The following PROM2 variants were observed in gnomAD, a reference collection of about 807,000 sequenced individuals.
PROM2 encodes prominin 2, also known as prominin-2.
Under a neutral mutation model 110.2 loss-of-function variants are expected in PROM2, and 90 were observed. The ratio of observed to expected loss-of-function variants is 0.82; its 90% CI spans 0.69 to 0.97. PROM2 has a LOEUF of 0.97. PROM2 is among the 50% of genes least tolerant of loss of function. The pLI is 0.00. For missense variants in PROM2, 1,009 were observed against 1,074.8 expected (o/e 0.94, Z 0.86); for synonymous variants, 470 against 467.8 (o/e 1.00, Z -0.06).
Position 95,275,486 on chromosome 2 carries a change from G to A in PROM2, c.270G>A (p.Glu90=), listed in dbSNP as rs770661287. 1 of 1,613,882 alleles carries A rather than the reference G, an allele frequency of 6.2e-7. No homozygotes were observed. Among genetic ancestry groups the A allele is most frequent in the Admixed American group, 1.7e-5 (1 of 59,978 alleles). Residue 90 remains glutamate, a synonymous_variant, in exon 2 of 24, where the codon GAG becomes GAA. Transcript: ENST00000317620. This position sits in a 1 kb window ranked among gnomAD's most constrained non-coding sequence, Gnocchi z 4.4. ...AGTTGGTAAAGGCCCTACTGAATGA[G>A]CTGGCCTCCGTGAAGGTGAATGAGG... ...PSELVKALLN[E]LASVKVNEVV...
chr2:95,280,466 C>T (rs1026642541), intron 11 of PROM2, among the ~76,000 whole-genome samples: 21 of 152,210 alleles, frequency 1.4e-4, no homozygotes, highest in African/African-American at 4.6e-4. Context: ...ATAAGCCCTT[C>T]GAGCCCCCTG....
In PROM2 at chr2:95,279,995, GGCGT is replaced by G. The variant is rs753122381; in HGVS notation, c.1426_1427+2del. 6.9e-7 allele frequency: 1 copy of G among 1,449,908 alleles called. No homozygotes were observed. The highest frequency in any genetic ancestry group is 2.5e-5 in the Admixed American group (1 of 39,824). 89.8% of individuals were successfully genotyped at this position (1,449,908 alleles called of 1,614,324 possible). ...GCGAGGCTGGAGCCCGCTTCCTCAT[GGCGT>G]AAGAAAGGGCTGGGAGAGGGGAAGG... On this transcript the variant is annotated splice_donor_variant and coding_sequence_variant, in exon 11 of 24. Coordinates refer to ENST00000317620, the MANE Select transcript of PROM2 (RefSeq NM_001165978.3). LOFTEE classifies it high-confidence loss of function.
At position 95,276,253 on chromosome 2, in the gene PROM2, C is replaced by T; in HGVS notation, c.524C>T (p.Thr175Ile). 6.2e-7 allele frequency: 1 copy of T among 1,613,984 alleles called. No individual in the cohort carries two copies. The highest frequency in any genetic ancestry group is 1.1e-5 in the South Asian group (1 of 91,084). Residue 175 changes from threonine (T) to isoleucine (I), a missense_variant, in exon 4 of 24, where the codon ACC becomes ATC. Transcript: ENST00000317620. The surrounding 1 kb of genome is among the most constrained non-coding windows in gnomAD (Gnocchi z 4.6). ...ATTGGTGTGGTCTGTGCCTTTGTCACCAACCAGCGCACGCATGAACAGATG... is the reference window on the plus strand; with the variant it reads ...ATTGGTGTGGTCTGTGCCTTTGTCATCAACCAGCGCACGCATGAACAGATG... ...LLIGVVCAFVTNQRTHEQMGP... is the reference protein window; with the variant it reads ...LLIGVVCAFVINQRTHEQMGP...
chr2:95,274,743 G>A lies in PROM2; in HGVS notation c.158G>A (p.Arg53Gln), dbSNP rs752533853. The A allele has an allele frequency of 6.2e-6, 10 of 1,611,640 alleles. No homozygotes were observed. The South Asian group carries it at 6.6e-5, about 11-fold the overall frequency. Residue 53 changes from arginine (R) to glutamine (Q), a missense_variant, in exon 1 of 24, where the codon CGA becomes CAA. Transcript: ENST00000317620. ...GCCAGGGCCCGGTGGCTGGCCCCTC[G>A]AGTTCGTGCGCCAGGACTCCTGGAC... is the stretch of plus-strand genomic sequence containing the variant. ...PAARARWLAP[R>Q]VRAPGLLDSL...
rs1427229763 is a variant in PROM2, at chr2:95,282,164, C to T, written c.1666C>T (p.Leu556Phe). 4 of 1,613,876 alleles carry T rather than the reference C, an allele frequency of 2.5e-6. No individual in the cohort carries two copies. In the African/African-American group the frequency reaches 4.0e-5, roughly 16 times the overall value. ...AYQQCKEGAALWTVLQLNDSY... is the reference protein window; with the variant it reads ...AYQQCKEGAAFWTVLQLNDSY... ...CAGGCAGTGCAAGGAAGGGGCAGCGCTCTGGACAGTCCTGCAGCTCAACGA... is the reference window on the plus strand; with the variant it reads ...CAGGCAGTGCAAGGAAGGGGCAGCGTTCTGGACAGTCCTGCAGCTCAACGA... Residue 556 changes from leucine to phenylalanine, a missense_variant, in exon 14 of 24, where the codon CTC becomes TTC. By Grantham distance (22) the Leu-to-Phe change is conservative. Transcript: ENST00000317620.
chr2:95,275,404 G>GAC lies in PROM2; in HGVS notation c.245-53_245-52dup. 1 of 1,532,842 alleles carries GAC rather than the reference G, an allele frequency of 6.5e-7. No homozygotes were observed. The highest frequency in any genetic ancestry group is 8.9e-7 in the Non-Finnish European group (1 of 1,124,554). The allele number at this position is 1,532,842 out of a possible 1,614,324, so 95.0% of individuals were successfully genotyped here. On this transcript the variant is annotated intron_variant, in intron 1 of 23. Transcript: ENST00000317620. The surrounding 1 kb of genome is among the most constrained non-coding windows in gnomAD (Gnocchi z 4.4). The stretch of plus-strand genomic sequence containing the variant: ...TTGCCCTGGCAGTGGGGAGAGGAGG[G>GAC]ACACAGGGGCAGGGCAGTGGCTGTC...
At chr2:95,285,499 C>A in intron 15 of PROM2, 140 bp from the exon 16 acceptor site, 1 of 672,176 alleles carries the variant, frequency 1.5e-6, no homozygotes, top group Non-Finnish European at 2.5e-6. Flanking sequence ...GGAAAACTCA[C>A]TGTGACTGAT....
chr2:95,276,861 C>T lies in PROM2; in HGVS notation c.683-111C>T. On this transcript the variant is annotated intron_variant, in intron 5 of 23. Coordinates refer to ENST00000317620, the MANE Select transcript of PROM2 (RefSeq NM_001165978.3). The surrounding 1 kb of genome is among the most constrained non-coding windows in gnomAD (Gnocchi z 4.6). The stretch of plus-strand genomic sequence containing the variant: ...CGTGTCCCCGCTCCTTCACTCCCCT[C>T]CACCCCCCGGCTCCTGCAGAGCCCG... 8.0e-7 allele frequency: 1 copy of T among 1,243,134 alleles called. No homozygotes were observed. Among genetic ancestry groups the T allele is most frequent in the Non-Finnish European group, 1.1e-6 (1 of 877,640 alleles). 77.0% of individuals were successfully genotyped at this position (1,243,134 alleles called of 1,614,324 possible).
Position 95,289,321 on chromosome 2 carries a change from G to A in PROM2, c.*108G>A. The A allele has an allele frequency of 5.0e-6, 2 of 401,826 alleles. No individual in the cohort carries two copies. The highest frequency in any genetic ancestry group is 4.6e-6 in the Non-Finnish European group (1 of 217,020). The allele number at this position is 401,826 out of a possible 1,614,324, so 24.9% of individuals were successfully genotyped here. On this transcript the variant is annotated 3_prime_UTR_variant, in exon 24 of 24. Coordinates refer to ENST00000317620, the MANE Select transcript of PROM2 (RefSeq NM_001165978.3). The stretch of plus-strand genomic sequence containing the variant: ...CCCCAGAGCCCAGGCTGGCATCCAG[G>A]CCTGGACTGTCCCCAGTTCCGGCTT...
At chr2:95,274,973 G>A (rs1175632658) in intron 1 of PROM2, 144 bp downstream of exon 1, 14 of 1,104,918 alleles carry the variant, frequency 1.3e-5, no homozygotes, top group Non-Finnish European at 1.7e-5. Context: ...ATCTGGGGAG[G>A]GCTCCAGAAC....
chr2:95,287,522 C>A, intron 20 of PROM2, 58 bp downstream of exon 20: 1 of 1,557,100 alleles, frequency 6.4e-7, no homozygotes, highest in Non-Finnish European at 8.8e-7. Context: ...CAGCTGTTCA[C>A]CCTGCTCTGC....
chr2:95,278,971 G>A lies in PROM2; in HGVS notation c.1115-14G>A. ...TGCCCTCCGCATCCCACAAGTCCCTGTTACTTTGGGCAGAGCTGAAGAAGG... is the reference window on the plus strand; with the variant it reads ...TGCCCTCCGCATCCCACAAGTCCCTATTACTTTGGGCAGAGCTGAAGAAGG... On this transcript the variant is annotated splice_polypyrimidine_tract_variant and intron_variant, in intron 9 of 23. Coordinates refer to ENST00000317620, the MANE Select transcript of PROM2 (RefSeq NM_001165978.3). 6.3e-7 allele frequency: 1 copy of A among 1,598,352 alleles called. No individual in the cohort carries two copies. The highest frequency in any genetic ancestry group is 8.5e-7 in the Non-Finnish European group (1 of 1,170,358).
In PROM2 at chr2:95,277,431, G is replaced by A; in HGVS notation, c.840G>A (p.Gln280=). 2 of 1,613,334 alleles carry A rather than the reference G, an allele frequency of 1.2e-6. No individual in the cohort carries two copies. Among genetic ancestry groups the A allele is most frequent in the Non-Finnish European group, 1.7e-6 (2 of 1,179,906 alleles). The change falls in exon 7 of 24, where the codon CAG becomes CAA. Residue 280 remains glutamine, a synonymous_variant. Transcript: ENST00000317620. ...NATVVELQAG[Q]QDLEPAIREH... The stretch of plus-strand genomic sequence containing the variant: ...CAGTGGTAGAGCTGCAGGCCGGGCA[G>A]CAGGACCTGGAGCCAGCCATCCGGG...
rs752335624 is a variant in PROM2 at position 95,284,969 on chromosome 2, T to C, written c.1729T>C (p.Tyr577His). ...TCCCACCCTGCGCCTGCTCTCCCAG[T>C]ATACCAACAAGCTACGGCAGGAGTT... ...DLEEHLDINQ[Y>H]TNKLRQELQS... The change falls in exon 15 of 24, where the codon TAT becomes CAT. Residue 577 changes from tyrosine (Y) to histidine (H), a missense_variant and splice_region_variant. Physicochemically the swap from Tyr to His is moderately conservative, Grantham distance 83. Coordinates refer to ENST00000317620, the MANE Select transcript of PROM2 (RefSeq NM_001165978.3). The C allele has an allele frequency of 1.2e-6, 2 of 1,609,810 alleles. No individual in the cohort carries two copies. Among genetic ancestry groups the C allele is most frequent in the Non-Finnish European group, 8.5e-7 (1 of 1,177,970 alleles).
At chr2:95,282,058 G>A (rs1207638670) in intron 13 of PROM2, 42 bp downstream of exon 13, 1 of 1,609,710 alleles carries the variant, frequency 6.2e-7, no homozygotes, top group African/African-American at 1.3e-5. Context: ...GGGGAAGGAA[G>A]GAGGAGGGCC....
rs770408944 is a variant in PROM2 at position 95,288,958 on chromosome 2, C to A, written c.2467C>A (p.Leu823Ile). 1.2e-6 allele frequency: 2 copies of A among 1,614,130 alleles called. No homozygotes were observed. Among genetic ancestry groups the A allele is most frequent in the East Asian group, 4.5e-5 (2 of 44,880 alleles). The change falls in exon 23 of 24, where the codon CTC becomes ATC. Residue 823 changes from leucine (L) to isoleucine (I), a missense_variant. By Grantham distance (5) the Leu-to-Ile change is conservative. Transcript: ENST00000317620. ...CTCCACCAGCTCTGAGGAGACTCAG[C>A]TCTTCCACATCCCCCGGGTTACCTC... ...LSSTSSEETQ[L>I]FHIPRVTSLK...
chr2:95,281,176 G>A (rs2104111884), intron 11 of PROM2, 66 bp from the exon 12 acceptor site: 2 of 1,582,384 alleles, frequency 1.3e-6, no homozygotes, highest in South Asian at 2.3e-5. Context: ...GTGAGGGTGG[G>A]ACAGAGGGTA....
At chr2:95,284,042 G>T (rs1368060870) in intron 14 of PROM2, among the ~76,000 whole-genome samples, 1 of 152,238 alleles carries the variant, frequency 6.6e-6, no homozygotes, top group Admixed American at 6.5e-5. Context: ...GGCCAGGGAA[G>T]GTCTGTGTCT....
At position 95,276,706 on chromosome 2, in the gene PROM2, T is replaced by A; in HGVS notation, c.682+49T>A. The A allele has an allele frequency of 1.3e-6, 2 of 1,593,314 alleles. No homozygotes were observed. The highest frequency in any genetic ancestry group is 1.7e-6 in the Non-Finnish European group (2 of 1,163,676). ...GTGGGCTGGCTCCTTCCAGGGCCCC[T>A]GCTCGGGTGCCTCGGTGGGGGCCTC... On this transcript the variant is annotated intron_variant, in intron 5 of 23. Coordinates refer to ENST00000317620, the MANE Select transcript of PROM2 (RefSeq NM_001165978.3). This position sits in a 1 kb window ranked among gnomAD's most constrained non-coding sequence, Gnocchi z 4.6.
Sources: allele counts gnomAD v4.1 joint callset (sites outside exome capture counted in the v4.1 genomes callset), GRCh38; gene constraint gnomAD v4.1.1; non-coding constraint Gnocchi (gnomAD v3.1); transcripts MANE v1.5; gene names NCBI Gene and HGNC (gene_info 2026-07-23, HGNC 2026-07-21).